PRR14L: variants seen among roughly 807,000 people sequenced by gnomAD.
The protein encoded by PRR14L is protein PRR14L.
PRR14L carries 80 observed loss-of-function variants against 155.0 expected under a neutral mutation model. The ratio of observed to expected loss-of-function variants is 0.52; its 90% CI spans 0.43 to 0.62. PRR14L has a LOEUF of 0.62. PRR14L is among the 20% of genes least tolerant of loss of function. The probability of loss-of-function intolerance (pLI) is 0.00; values close to 1 mark genes in which losing one functional copy is unlikely to be tolerated. For synonymous variants in PRR14L, 883 were observed against 916.0 expected, an observed-to-expected ratio of 0.96 and a Z score of 0.65; for missense variants, 2,469 against 2,548.0, an observed-to-expected ratio of 0.97 and a Z score of 0.67.
chr22:31,696,549 AG>A (rs1331115008), intron 7 of PRR14L, among the ~76,000 whole-genome samples: 1 of 152,194 alleles, frequency 6.6e-6, no homozygotes, highest in Non-Finnish European at 1.5e-5. Flanking sequence ...TCGGGATTAT[AG>A]GTGTGAACTA....
Position 31,702,555 on chromosome 22 carries a change from G to A in PRR14L, c.6001-793C>T, listed in dbSNP as rs112021262. ...TTTTGAGATGGAGTCTCACTCTGCCGCCCAGGCTGGAGTGTGGTGGTGCAA... is the reference window on the plus strand; with the variant it reads ...TTTTGAGATGGAGTCTCACTCTGCCACCCAGGCTGGAGTGTGGTGGTGCAA... On this transcript the variant is annotated intron_variant, in intron 6 of 8. Coordinates refer to ENST00000327423, the MANE Select transcript of PRR14L (RefSeq NM_173566.3). Among the ~76,000 whole-genome samples the A allele has an allele frequency of 1.6e-3, 246 of 152,038 alleles. 1 individual carries two copies. Among genetic ancestry groups the A allele is most frequent in the African/African-American group, 5.6e-3 (231 of 41,490 alleles).
At chr22:31,711,776 C>CAAAA (rs757790329) in intron 4 of PRR14L, among the ~76,000 whole-genome samples, 698 of 48,486 alleles carry the variant, frequency 0.014, 6 homozygotes, top group Middle Eastern at 0.023. Context: ...AAGAGTTAAT[C>CAAAA]AAAAAAAAAA....
At chr22:31,703,053 C>T (rs187718053) in intron 6 of PRR14L, among the ~76,000 whole-genome samples, 25 of 137,162 alleles carry the variant, frequency 1.8e-4, no homozygotes, top group Non-Finnish European at 3.2e-4. Context: ...TGGACTCAAG[C>T]GATCCGCCCG....
intron 7 of PRR14L, among the ~76,000 whole-genome samples, chr22:31,691,020 G>A (rs937391513): frequency 6.6e-6 from 1 of 150,656 alleles, no homozygotes. Flanking sequence ...CTGGAGTGCA[G>A]TGGTGTGATC....
At chr22:31,706,656 T>C (rs1569498065) in intron 4 of PRR14L, among the ~76,000 whole-genome samples, 2 of 152,068 alleles carry the variant, frequency 1.3e-5, no homozygotes. Flanking sequence ...ACTCCTGACC[T>C]TGTGGTCTGC....
chr22:31,722,385 G>A (rs1308455069), intron 3 of PRR14L, among the ~76,000 whole-genome samples: 10 of 149,020 alleles, frequency 6.7e-5, no homozygotes, highest in African/African-American at 2.5e-4. Flanking sequence ...AGCCAAGATC[G>A]TGCCACTGCA....
chr22:31,694,572 C>T (rs904971253), intron 7 of PRR14L, among the ~76,000 whole-genome samples: 1 of 151,540 alleles, frequency 6.6e-6, no homozygotes, highest in Non-Finnish European at 1.5e-5. Context: ...ATGGTGAAAC[C>T]ATGTCTCTAC....
intron 3 of PRR14L, among the ~76,000 whole-genome samples, chr22:31,722,150 C>A (rs2074693558): frequency 6.6e-6 from 1 of 151,978 alleles, no homozygotes. Context: ...TAAATCTGGG[C>A]CGGGCGCGGT....
At chr22:31,690,136 C>T (rs753983173) in intron 7 of PRR14L, among the ~76,000 whole-genome samples, 36 of 152,264 alleles carry the variant, frequency 2.4e-4, no homozygotes, top group Non-Finnish European at 3.8e-4. Flanking sequence ...AGACTGGTCT[C>T]GAACTCCTGA....
chr22:31,699,712 T>C (rs1466627126), intron 7 of PRR14L, among the ~76,000 whole-genome samples: 1 of 152,184 alleles, frequency 6.6e-6, no homozygotes, highest in Non-Finnish European at 1.5e-5. Context: ...ATCATTTTCC[T>C]GAAAGGATAA....
In PRR14L at chr22:31,712,839, G is replaced by A. The variant is rs1356112192; in HGVS notation, c.5000C>T (p.Thr1667Ile). 2.6e-6 allele frequency: 4 copies of A among 1,551,954 alleles called. No individual in the cohort carries two copies. Among genetic ancestry groups the A allele is most frequent in the Non-Finnish European group, 3.5e-6 (4 of 1,147,094 alleles). The stretch of plus-strand genomic sequence containing the variant: ...TGCCAAATATGGATTCAGCTGCTCT[G>A]TGCTGGATGAAAATCCGTCCAGGAG... ...KRLLDGFSSS[T>I]EQLNPYLAAS... Residue 1667 changes from threonine (T) to isoleucine (I), a missense_variant, in exon 4 of 9, where the codon ACA becomes ATA. By Grantham distance (89) the Thr-to-Ile change is moderately conservative. Around this residue, in one of 2 missense-constraint regions of PRR14L, gnomAD observed 2,363 missense variants for 2,371.6 expected, o/e 1.00. Coordinates refer to ENST00000327423, the MANE Select transcript of PRR14L (RefSeq NM_173566.3).
Position 31,713,232 on chromosome 22 carries a change from A to G in PRR14L, c.4607T>C (p.Ile1536Thr). 5 of 1,551,940 alleles carry G rather than the reference A, an allele frequency of 3.2e-6. No homozygotes were observed. The highest frequency in any genetic ancestry group is 4.4e-6 in the Non-Finnish European group (5 of 1,147,032). ...CKKVSYQEQIIVGRKIGKIRS... is the reference protein window; with the variant it reads ...CKKVSYQEQITVGRKIGKIRS... ...GATTTTACCTATTTTTCTCCCAACA[A>G]TGATTTGCTCCTGATAGGAAACTTT... The change falls in exon 4 of 9, where the codon ATT (isoleucine) becomes ACT (threonine). Residue 1536 changes from isoleucine to threonine, a missense_variant. Transcript: ENST00000327423.
Position 31,738,612 on chromosome 22 carries a change from C to CAAG in PRR14L, c.246_248dup (p.Thr82_Leu83insPhe). On this transcript the variant is annotated inframe_insertion, in exon 2 of 9. Coordinates refer to ENST00000327423, the MANE Select transcript of PRR14L (RefSeq NM_173566.3). ...ATCGCCCAGGCTCACTCCCATGATC[C>CAAG]AAGGTCTCATAGGTTTCTTCACAAC... 6.4e-7 allele frequency: 1 copy of CAAG among 1,552,052 alleles called. No individual in the cohort carries two copies. The highest frequency in any genetic ancestry group is 1.2e-5 in the South Asian group (1 of 84,064).
At position 31,716,468 on chromosome 22, in the gene PRR14L, A is replaced by C; in HGVS notation, c.1371T>G (p.Ser457Arg). The C allele has an allele frequency of 6.4e-7, 1 of 1,550,778 alleles. No individual in the cohort carries two copies. Among genetic ancestry groups the C allele is most frequent in the Non-Finnish European group, 8.7e-7 (1 of 1,146,560 alleles). Residue 457 changes from serine to arginine, a missense_variant, in exon 4 of 9, where the codon AGT becomes AGG. Ser to Arg is a moderately radical substitution (Grantham distance 110, BLOSUM62 -1). Coordinates refer to ENST00000327423, the MANE Select transcript of PRR14L (RefSeq NM_173566.3). ...IQDSLHTGNSSSLMPNSFTEA... is the reference protein window; with the variant it reads ...IQDSLHTGNSRSLMPNSFTEA... The stretch of plus-strand genomic sequence containing the variant: ...CAGTAAAAGAATTGGGCATTAAAGA[A>C]CTAGAGTTCCCTGTATGGAGACTGT...
Position 31,712,149 on chromosome 22 carries a change from G to C in PRR14L, c.5690C>G (p.Ser1897Cys). The C allele has an allele frequency of 6.2e-7, 1 of 1,614,104 alleles. No individual in the cohort carries two copies. ...IWSQHGPSVC[S>C]FEISSLHSPH... ...GGAATGAAGAGAAGAGATTTCGAAG[G>C]AGCAGACAGAAGGACCATGCTGGCT... Residue 1897 changes from serine to cysteine, a missense_variant, in exon 4 of 9, where the codon TCC becomes TGC. Around this residue, in one of 2 missense-constraint regions of PRR14L, gnomAD observed 2,363 missense variants for 2,371.6 expected, o/e 1.00. Coordinates refer to ENST00000327423, the MANE Select transcript of PRR14L (RefSeq NM_173566.3).
In PRR14L at chr22:31,685,357, G is replaced by C; in HGVS notation, c.*170C>G. The C allele has an allele frequency of 1.7e-6, 1 of 604,092 alleles. No homozygotes were observed. The highest frequency in any genetic ancestry group is 3.1e-5 in the Admixed American group (1 of 32,602). The allele number at this position is 604,092 out of a possible 1,614,324, so 37.4% of individuals were successfully genotyped here. On this transcript the variant is annotated 3_prime_UTR_variant, in exon 9 of 9. Coordinates refer to ENST00000327423, the MANE Select transcript of PRR14L (RefSeq NM_173566.3). ...CCCTCCTTCACCAGTTTCTAAAAAG[G>C]TTGCACCTTGAAATAGGTAAAAATT...
chr22:31,746,182 G>C (rs543788244), intron 1 of PRR14L, among the ~76,000 whole-genome samples: 1 of 151,994 alleles, frequency 6.6e-6, no homozygotes, highest in African/African-American at 2.4e-5. Context: ...CTCCCACCTC[G>C]GCCTCCCAGA....
intron 2 of PRR14L, among the ~76,000 whole-genome samples, chr22:31,729,828 G>A (rs965655732): frequency 5.9e-5 from 9 of 152,072 alleles, no homozygotes; most frequent in African/African-American, 2.2e-4. Flanking sequence ...TTCTGGAGAC[G>A]GATGGTGGTG....
chr22:31,706,428 C>CTTTTTTTTTTTTTTTTTTT lies in PRR14L; in HGVS notation c.5757-1703_5757-1702insAAAAAAAAAAAAAAAAAAA, dbSNP rs771902267. On this transcript the variant is annotated intron_variant, in intron 4 of 8. Transcript: ENST00000327423. ...TAATTCCTTTATAATTAAACTCTTC[C>CTTTTTTTTTTTTTTTTTTT]TTTTTCTTTTTTTTGAGACGGAGTC... 7.0e-5 allele frequency among the ~76,000 whole-genome samples: 10 copies of CTTTTTTTTTTTTTTTTTTT among 142,210 alleles called. 1 individual carries two copies. The highest frequency in any genetic ancestry group is 2.2e-4 in the Admixed American group (3 of 13,616). The allele number at this position is 142,210 out of a possible 152,430, so 93.3% of individuals were successfully genotyped here. A position where few individuals can be genotyped will look rare whatever the true frequency, so the allele number is the denominator to read the frequency against.
Sources: allele counts gnomAD v4.1 joint callset (sites outside exome capture counted in the v4.1 genomes callset), GRCh38; gene constraint gnomAD v4.1.1; regional missense constraint gnomAD v4.1.1; transcripts MANE v1.5; gene names NCBI Gene and HGNC (gene_info 2026-07-23, HGNC 2026-07-21).